Variants in SYT1 observed in about 807,000 individuals in gnomAD.
The protein encoded by SYT1 is synaptotagmin 1.
Under a neutral mutation model 44.8 loss-of-function variants are expected in SYT1, and 8 were observed. That is an observed-to-expected ratio of 0.18 (90% CI 0.10 to 0.32). The LOEUF is 0.32. Among genes scored for constraint, SYT1 ranks in the 10% least tolerant of loss-of-function variants. SYT1 has a pLI of 1.00. For missense variants in SYT1, 286 were observed against 509.3 expected (o/e 0.56, Z 4.22); for synonymous variants, 154 against 188.8 (o/e 0.82, Z 1.51).
intron 2 of SYT1, among the ~76,000 whole-genome samples, chr12:79,026,189 T>C (rs1779609409): frequency 6.6e-6 from 1 of 151,722 alleles, no homozygotes; most frequent in South Asian, 2.1e-4. Context: ...CAGCAGTTTA[T>C]GCTTCTGTTC....
In SYT1 at chr12:79,291,671, A is replaced by G. The variant is rs1879588414; in HGVS notation, c.352-337A>G. ...TGTGAAACTTGGCCTGGTTAGTAGC[A>G]TGTTTATCTTTCCTCTGAAAGCAGC... is the stretch of plus-strand genomic sequence containing the variant. On this transcript the variant is annotated intron_variant, in intron 5 of 10. Transcript: ENST00000261205. 6 of 424,052 alleles carry G rather than the reference A, an allele frequency of 1.4e-5. No homozygotes were observed. The Admixed American group carries it at 1.6e-4, about 11-fold the overall frequency. 26.3% of individuals were successfully genotyped at this position (424,052 alleles called of 1,614,324 possible).
At chr12:79,007,870 T>G (rs146689545) in intron 2 of SYT1, among the ~76,000 whole-genome samples, 1 of 152,046 alleles carries the variant, frequency 6.6e-6, no homozygotes, top group African/African-American at 2.4e-5. Context: ...GGATAAAAAG[T>G]ATGAGTAATG....
chr12:78,923,432 A>G (rs1877119124), intron 1 of SYT1, among the ~76,000 whole-genome samples: 1 of 151,964 alleles, frequency 6.6e-6, no homozygotes, highest in Admixed American at 6.6e-5. Context: ...AGTAGTGACT[A>G]AAAGTTTAGA....
chr12:78,917,517 G>A (rs1163358761), intron 1 of SYT1, among the ~76,000 whole-genome samples: 3 of 151,534 alleles, frequency 2.0e-5, no homozygotes, highest in East Asian at 3.9e-4. Context: ...TGTAAATGAC[G>A]AGTTAATGGG....
At chr12:79,297,132 C>A (rs994153722) in intron 7 of SYT1, among the ~76,000 whole-genome samples, 6 of 152,114 alleles carry the variant, frequency 3.9e-5, no homozygotes, top group Non-Finnish European at 5.9e-5. Context: ...TTTTCTCAAA[C>A]CTTGTTTTCA....
At chr12:79,009,788 C>T (rs1366222745) in intron 2 of SYT1, among the ~76,000 whole-genome samples, 1 of 152,066 alleles carries the variant, frequency 6.6e-6, no homozygotes, top group Admixed American at 6.6e-5. Flanking sequence ...ATATCAATTC[C>T]ATTTGTTTCA....
chr12:79,162,957 T>C (rs1169592475), intron 3 of SYT1, among the ~76,000 whole-genome samples: 1 of 152,100 alleles, frequency 6.6e-6, no homozygotes, highest in Non-Finnish European at 1.5e-5. Flanking sequence ...ACAGATACAA[T>C]GAATGTTCCT....
chr12:79,112,306 C>T (rs957324523), intron 3 of SYT1, among the ~76,000 whole-genome samples: 1 of 151,960 alleles, frequency 6.6e-6, no homozygotes, highest in East Asian at 1.9e-4. Flanking sequence ...AATAATGAGA[C>T]GTTGAGTAAA....
intron 2 of SYT1, among the ~76,000 whole-genome samples, chr12:79,035,688 G>A (rs1450343715): frequency 6.6e-6 from 1 of 151,536 alleles, no homozygotes; most frequent in African/African-American, 2.4e-5. Context: ...TGCCATGGTG[G>A]TCTTGATTTG....
At chr12:79,338,388 C>T (rs1014558978) in intron 8 of SYT1, among the ~76,000 whole-genome samples, 3 of 151,688 alleles carry the variant, frequency 2.0e-5, no homozygotes, top group Admixed American at 6.6e-5. Flanking sequence ...GGCAATCCCC[C>T]GACCTCCTAC....
At chr12:79,020,488 T>G (rs1369258510) in intron 2 of SYT1, among the ~76,000 whole-genome samples, 1 of 151,988 alleles carries the variant, frequency 6.6e-6, no homozygotes. Context: ...TTTCTATTTT[T>G]GTTTGAAAGC....
chr12:78,980,917 G>T (rs564819659), intron 2 of SYT1, among the ~76,000 whole-genome samples: 15 of 152,080 alleles, frequency 9.9e-5, no homozygotes, highest in South Asian at 4.2e-4. Context: ...CCTGAGCCAG[G>T]GGGGAGAGGG....
chr12:79,005,352 A>T (rs894981019), intron 2 of SYT1, among the ~76,000 whole-genome samples: 3 of 152,038 alleles, frequency 2.0e-5, no homozygotes, highest in Admixed American at 6.6e-5. Context: ...TATTAAGAAC[A>T]TGGAATTTAA....
chr12:79,291,998 C>CT lies in SYT1; in HGVS notation c.352-9dup. The CT allele has an allele frequency of 1.9e-6, 3 of 1,613,256 alleles. No homozygotes were observed. Among genetic ancestry groups the CT allele is most frequent in the Non-Finnish European group, 2.5e-6 (3 of 1,179,820 alleles). ...CTGAAATTCACATGTGATCCTTTCT[C>CT]TATACATAGGCCCTCAAGGATGATG... is the stretch of plus-strand genomic sequence containing the variant. On this transcript the variant is annotated splice_polypyrimidine_tract_variant and intron_variant, in intron 5 of 10. Coordinates refer to ENST00000261205, the MANE Select transcript of SYT1 (RefSeq NM_005639.3).
intron 8 of SYT1, among the ~76,000 whole-genome samples, chr12:79,310,172 C>A (rs1432535338): frequency 2.6e-5 from 4 of 151,912 alleles, no homozygotes; most frequent in African/African-American, 4.8e-5. Context: ...AGTCTTTAAT[C>A]CATCTTGAAT....
At chr12:79,404,711 A>C (rs901833916) in intron 9 of SYT1, among the ~76,000 whole-genome samples, 1 of 152,230 alleles carries the variant, frequency 6.6e-6, no homozygotes, top group African/African-American at 2.4e-5. Context: ...TGCATAATGC[A>C]ACGAGAGCTA....
intron 3 of SYT1, among the ~76,000 whole-genome samples, chr12:79,139,353 T>C (rs151043872): frequency 6.6e-6 from 1 of 152,186 alleles, no homozygotes; most frequent in Non-Finnish European, 1.5e-5. Flanking sequence ...AGGCTATAGA[T>C]GAGCACTGTC....
intron 2 of SYT1, among the ~76,000 whole-genome samples, chr12:79,021,582 T>A (rs1304577451): frequency 6.6e-6 from 1 of 151,664 alleles, no homozygotes; most frequent in Non-Finnish European, 1.5e-5. Context: ...AAAATAATTA[T>A]AAAAAAAGAA....
At chr12:79,418,627 G>A (rs1198800270) in intron 9 of SYT1, among the ~76,000 whole-genome samples, 1 of 152,142 alleles carries the variant, frequency 6.6e-6, no homozygotes, top group African/African-American at 2.4e-5. Flanking sequence ...CCAAGGCACA[G>A]AGAATATTCT....
Sources: allele counts gnomAD v4.1 joint callset (sites outside exome capture counted in the v4.1 genomes callset), GRCh38; gene constraint gnomAD v4.1.1; transcripts MANE v1.5; gene names NCBI Gene and HGNC (gene_info 2026-07-23, HGNC 2026-07-21).